Variants in FAM78A observed in about 807,000 individuals in gnomAD.
FAM78A encodes family with sequence similarity 78 member A, also known as protein FAM78A.
FAM78A carries 12 observed loss-of-function variants against 22.6 expected under a neutral mutation model. That is an observed-to-expected ratio of 0.53 (90% CI 0.34 to 0.86). The LOEUF is 0.86. Among genes scored for constraint, FAM78A ranks in the 40% least tolerant of loss-of-function variants. The pLI, the probability that FAM78A is intolerant of heterozygous loss-of-function variation, is 0.02. For missense variants in FAM78A, 322 were observed against 396.1 expected (o/e 0.81, Z 1.59); for synonymous variants, 151 against 155.8 (o/e 0.97, Z 0.23).
intron 1 of FAM78A, among the ~76,000 whole-genome samples, chr9:131,273,839 T>C (rs1009777750): frequency 6.6e-6 from 1 of 152,188 alleles, no homozygotes; most frequent in African/African-American, 2.4e-5. Context: ...CAATAAGCCA[T>C]GGGGAAGGGG....
At position 131,259,376 on chromosome 9, in the gene FAM78A, G is replaced by A. The variant is rs1025635019; in HGVS notation, c.*1446C>T. 5.9e-5 allele frequency: 9 copies of A among 152,406 alleles called. No individual in the cohort carries two copies. Among genetic ancestry groups the A allele is most frequent in the African/African-American group, 2.2e-4 (9 of 41,456 alleles). 9.4% of individuals were successfully genotyped at this position (152,406 alleles called of 1,614,324 possible). On this transcript the variant is annotated 3_prime_UTR_variant, in exon 2 of 2. Transcript: ENST00000372271. ...GGCTTCCAGACGTCTGTCCTCACCT[G>A]TTGCTCTCCACTGTGCCAGCCCAGC...
intron 1 of FAM78A, among the ~76,000 whole-genome samples, chr9:131,270,988 C>G (rs1315661395): frequency 6.6e-6 from 1 of 150,556 alleles, no homozygotes; most frequent in African/African-American, 2.4e-5. Context: ...CTGCCCTGTC[C>G]TTTCCCACCA....
In FAM78A at chr9:131,272,847, C is replaced by T. The variant is rs1290794780; in HGVS notation, c.323+3010G>A. Among the ~76,000 whole-genome samples the T allele has an allele frequency of 2.6e-5, 4 of 152,196 alleles. No homozygotes were observed. The highest frequency in any genetic ancestry group is 4.4e-5 in the Non-Finnish European group (3 of 68,042). ...TCTGGAGGCTGGAGCCGGAGAATCA[C>T]TTGAACCCGGGAGGCAGAGGTTGTA... On this transcript the variant is annotated intron_variant, in intron 1 of 1. Transcript: ENST00000372271. The surrounding 1 kb of genome is among the most constrained non-coding windows in gnomAD (Gnocchi z 4.1).
At position 131,275,762 on chromosome 9, in the gene FAM78A, G is replaced by A; in HGVS notation, c.323+95C>T. On this transcript the variant is annotated intron_variant, in intron 1 of 1. Coordinates refer to ENST00000372271, the MANE Select transcript of FAM78A (RefSeq NM_033387.4). The surrounding 1 kb of genome is among the most constrained non-coding windows in gnomAD (Gnocchi z 4.6). ...CTCTGGCCTCCGTCCTGTCTTCATG[G>A]TATCTCCACCTTCCCCCTATCCGCG... 1 of 1,319,454 alleles carries A rather than the reference G, an allele frequency of 7.6e-7. No homozygotes were observed. The highest frequency in any genetic ancestry group is 1.0e-6 in the Non-Finnish European group (1 of 973,244). The allele number at this position is 1,319,454 out of a possible 1,614,324, so 81.7% of individuals were successfully genotyped here. A position where few individuals can be genotyped will look rare whatever the true frequency, so the allele number is the denominator to read the frequency against.
intron 1 of FAM78A, among the ~76,000 whole-genome samples, chr9:131,270,034 AAAT>A (rs1226166142): frequency 2.0e-4 from 28 of 137,678 alleles, no homozygotes; most frequent in African/African-American, 6.9e-4. Context: ...ATCCCTACTA[AAAT>A]AAAAAAAAAA....
chr9:131,277,730 G>T (rs1171520647), upstream of FAM78A, among the ~76,000 whole-genome samples: 1 of 151,208 alleles, frequency 6.6e-6, no homozygotes, highest in Admixed American at 6.6e-5. This position sits in a 1 kb window ranked among gnomAD's most constrained non-coding sequence, Gnocchi z 8.4. Context: ...GGGGCTTCGG[G>T]GGGGCGGCCG....
intron 1 of FAM78A, among the ~76,000 whole-genome samples, chr9:131,273,695 T>C (rs898288188): frequency 2.6e-5 from 4 of 152,186 alleles, no homozygotes; most frequent in Non-Finnish European, 4.4e-5. Flanking sequence ...CACTCACATC[T>C]GATAGAATAA....
chr9:131,261,470 G>A lies in FAM78A; in HGVS notation c.324-120C>T, dbSNP rs960832583. 1.8e-5 allele frequency: 17 copies of A among 938,700 alleles called. No homozygotes were observed. The highest frequency in any genetic ancestry group is 3.3e-5 in the African/African-American group (2 of 60,188). The allele number at this position is 938,700 out of a possible 1,614,324, so 58.1% of individuals were successfully genotyped here. A position where few individuals can be genotyped will look rare whatever the true frequency, so the allele number is the denominator to read the frequency against. On this transcript the variant is annotated intron_variant, in intron 1 of 1. Transcript: ENST00000372271. The surrounding 1 kb of genome is among the most constrained non-coding windows in gnomAD (Gnocchi z 7.1). ...ATGGAACGGACCCAGCAGACCACCC[G>A]GTCCCCTTTGACGTTCTGGGGGCAG... is the stretch of plus-strand genomic sequence containing the variant.
At chr9:131,266,819 G>A (rs1431368661) in intron 1 of FAM78A, among the ~76,000 whole-genome samples, 1 of 152,216 alleles carries the variant, frequency 6.6e-6, no homozygotes, top group Non-Finnish European at 1.5e-5. Flanking sequence ...CCAGCTTCAG[G>A]CACCATAATG....
intron 1 of FAM78A, chr9:131,270,648 C>A: frequency 4.6e-6 from 3 of 645,426 alleles, no homozygotes; most frequent in Non-Finnish European, 8.7e-6. Flanking sequence ...CAGGGCCCAG[C>A]AGATGGGGGA....
chr9:131,276,112 C>T lies in FAM78A; in HGVS notation c.68G>A (p.Cys23Tyr). The T allele has an allele frequency of 6.2e-7, 1 of 1,613,746 alleles. No individual in the cohort carries two copies. Among genetic ancestry groups the T allele is most frequent in the Non-Finnish European group, 8.5e-7 (1 of 1,180,014 alleles). Residue 23 changes from cysteine (C) to tyrosine (Y), a missense_variant, in exon 1 of 2, where the codon TGT becomes TAT. Transcript: ENST00000372271. The surrounding 1 kb of genome is among the most constrained non-coding windows in gnomAD (Gnocchi z 4.3). ...EIRALLYAMG[C>Y]IQSIGGKARV... ...GGCTTTGCCTCCGATGCTCTGAATA[C>T]AGCCCATGGCATACAGGAGCGCTCT... is the stretch of plus-strand genomic sequence containing the variant.
chr9:131,270,452 C>T (rs781309153), intron 1 of FAM78A: 15 of 717,178 alleles, frequency 2.1e-5, no homozygotes, highest in East Asian at 5.4e-5. Context: ...TGTTGAGTGA[C>T]GCCTCACTTG....
chr9:131,261,470 G>T lies in FAM78A; in HGVS notation c.324-120C>A. 1 of 938,816 alleles carries T rather than the reference G, an allele frequency of 1.1e-6. No homozygotes were observed. Among genetic ancestry groups the T allele is most frequent in the Non-Finnish European group, 1.5e-6 (1 of 650,264 alleles). The allele number at this position is 938,816 out of a possible 1,614,324, so 58.2% of individuals were successfully genotyped here. On this transcript the variant is annotated intron_variant, in intron 1 of 1. Coordinates refer to ENST00000372271, the MANE Select transcript of FAM78A (RefSeq NM_033387.4). The surrounding 1 kb of genome is among the most constrained non-coding windows in gnomAD (Gnocchi z 7.1). ...ATGGAACGGACCCAGCAGACCACCCGGTCCCCTTTGACGTTCTGGGGGCAG... is the reference window on the plus strand; with the variant it reads ...ATGGAACGGACCCAGCAGACCACCCTGTCCCCTTTGACGTTCTGGGGGCAG...
upstream of FAM78A, among the ~76,000 whole-genome samples, chr9:131,277,153 G>A (rs1386253327): frequency 2.0e-5 from 3 of 151,442 alleles, no homozygotes; most frequent in African/African-American, 7.3e-5. This position sits in a 1 kb window ranked among gnomAD's most constrained non-coding sequence, Gnocchi z 8.4. Context: ...GCGCGCACCA[G>A]CGAATAATAG....
At position 131,276,138 on chromosome 9, in the gene FAM78A, G is replaced by T. The variant is rs1377135838; in HGVS notation, c.42C>A (p.Ile14=). Residue 14 remains isoleucine (I), a synonymous_variant, in exon 1 of 2, where the codon ATC becomes ATA. Transcript: ENST00000372271. This position sits in a 1 kb window ranked among gnomAD's most constrained non-coding sequence, Gnocchi z 4.3. ...AGCCCATGGCATACAGGAGCGCTCTGATCTCCAGGGAAGGCCAGCAGTCAC... is the reference window on the plus strand; with the variant it reads ...AGCCCATGGCATACAGGAGCGCTCTTATCTCCAGGGAAGGCCAGCAGTCAC... ...FFCDCWPSLE[I]RALLYAMGCI... is the part of the protein sequence containing the mutation. 3.1e-6 allele frequency: 5 copies of T among 1,613,332 alleles called. No homozygotes were observed. In the East Asian group the frequency reaches 1.1e-4, roughly 36 times the overall value.
intron 1 of FAM78A, among the ~76,000 whole-genome samples, chr9:131,266,194 G>A (rs997760958): frequency 3.0e-4 from 45 of 152,000 alleles, no homozygotes; most frequent in African/African-American, 1.0e-3. Flanking sequence ...CCTGCAATCT[G>A]TTCCCCTCCC....
Position 131,270,230 on chromosome 9 carries a change from T to G in FAM78A, c.323+5627A>C, listed in dbSNP as rs537921329. 2.2e-4 allele frequency: 158 copies of G among 715,048 alleles called. 1 individual carries two copies. In the East Asian group the frequency reaches 3.9e-3, roughly 18 times the overall value. 44.3% of individuals were successfully genotyped at this position (715,048 alleles called of 1,614,324 possible). A position where few individuals can be genotyped will look rare whatever the true frequency, so the allele number is the denominator to read the frequency against. On this transcript the variant is annotated intron_variant, in intron 1 of 1. Transcript: ENST00000372271. ...TCAAAAACAAGTACAACCACCGAGCTGAAGGGCTTGCACATGTGGACGGTA... is the reference window on the plus strand; with the variant it reads ...TCAAAAACAAGTACAACCACCGAGCGGAAGGGCTTGCACATGTGGACGGTA...
At position 131,276,254 on chromosome 9, in the gene FAM78A, T is replaced by C. The variant is rs1231243593; in HGVS notation, c.-75A>G. On this transcript the variant is annotated 5_prime_UTR_variant, in exon 1 of 2. An upstream start codon of the reference 5' UTR is lost. Coordinates refer to ENST00000372271, the MANE Select transcript of FAM78A (RefSeq NM_033387.4). This position sits in a 1 kb window ranked among gnomAD's most constrained non-coding sequence, Gnocchi z 4.3. ...TCTCAACTCTCAAGACCGATATCCA[T>C]AGGATAGAAAACTCACTGAGTAGAC... The C allele has an allele frequency of 5.4e-6, 7 of 1,296,668 alleles. No individual in the cohort carries two copies. Among genetic ancestry groups the C allele is most frequent in the East Asian group, 2.4e-5 (1 of 41,800 alleles). The allele number at this position is 1,296,668 out of a possible 1,614,324, so 80.3% of individuals were successfully genotyped here.
At chr9:131,270,199 T>C (rs1835399893) in intron 1 of FAM78A, 2 of 704,870 alleles carry the variant, frequency 2.8e-6, no homozygotes, top group Admixed American at 2.0e-5. Flanking sequence ...AGAGTGAAAC[T>C]GCATCTCAAA....
Sources: allele counts gnomAD v4.1 joint callset (sites outside exome capture counted in the v4.1 genomes callset), GRCh38; gene constraint gnomAD v4.1.1; non-coding constraint Gnocchi (gnomAD v3.1); transcripts MANE v1.5; gene names NCBI Gene and HGNC (gene_info 2026-07-23, HGNC 2026-07-21).